Variants in RTTN observed in about 807,000 individuals in gnomAD.
The protein encoded by RTTN is rotatin.
In RTTN, 182 loss-of-function variants were observed where a neutral mutation model predicts 269.2. That is an observed-to-expected ratio of 0.68 (90% CI 0.60 to 0.76). The LOEUF (loss-of-function observed/expected upper bound fraction) is 0.76, where lower values mean the gene tolerates loss of function less well. Among genes scored for constraint, RTTN ranks in the 30% least tolerant of loss-of-function variants. RTTN has a pLI of 0.00. For missense variants in RTTN, 2,545 were observed against 2,608.6 expected, an observed-to-expected ratio of 0.98 and a Z score of 0.53; for synonymous variants, 1,006 against 963.5, an observed-to-expected ratio of 1.04 and a Z score of -0.82.
At chr18:70,156,395 C>T (rs1011208105) in intron 14 of RTTN, among the ~76,000 whole-genome samples, 22 of 152,078 alleles carry the variant, frequency 1.4e-4, no homozygotes, top group Admixed American at 6.5e-4. Flanking sequence ...TTGGTCAGAC[C>T]GGTTGCTCTC....
chr18:70,111,291 G>A (rs1002003138), intron 27 of RTTN, among the ~76,000 whole-genome samples: 5 of 152,168 alleles, frequency 3.3e-5, no homozygotes, highest in South Asian at 2.1e-4. Context: ...GGGGCCAACC[G>A]ACACTTGATA....
intron 37 of RTTN, among the ~76,000 whole-genome samples, chr18:70,056,653 C>T (rs1004286702): frequency 6.6e-6 from 1 of 152,156 alleles, no homozygotes; most frequent in African/African-American, 2.4e-5. Flanking sequence ...CGACTCCACC[C>T]TCCTTGCTGT....
At chr18:70,143,479 G>C (rs527711105) in intron 18 of RTTN, among the ~76,000 whole-genome samples, 1 of 152,246 alleles carries the variant, frequency 6.6e-6, no homozygotes, top group African/African-American at 2.4e-5. Context: ...ATTATCCTTA[G>C]CAAAATAACA....
chr18:70,143,335 G>A (rs1197664363), intron 18 of RTTN, among the ~76,000 whole-genome samples: 2 of 152,018 alleles, frequency 1.3e-5, no homozygotes, highest in Non-Finnish European at 2.9e-5. Context: ...GCAAACACAT[G>A]GAATCAACCT....
chr18:70,091,239 T>G lies in RTTN; in HGVS notation c.4143+871A>C, dbSNP rs75633930. ...AAGCATTTTGCATGGAAGAAGAACA[T>G]GAAGTTCAGGGGCTCAGGGATGGAA... On this transcript the variant is annotated intron_variant, in intron 30 of 48. Transcript: ENST00000640769. Among the ~76,000 whole-genome samples the G allele has an allele frequency of 2.8e-3, 428 of 152,218 alleles. 5 individuals carry two copies. The highest frequency in any genetic ancestry group is 2.5e-3 in the Non-Finnish European group (170 of 68,004).
chr18:70,044,971 A>G (rs1023482150), intron 40 of RTTN, among the ~76,000 whole-genome samples: 4 of 152,232 alleles, frequency 2.6e-5, no homozygotes, highest in African/African-American at 9.6e-5. Context: ...AGATAAGAGG[A>G]GACTACTGTA....
At chr18:70,127,456 A>G (rs761309106) in intron 25 of RTTN, 46 bp downstream of exon 25, 7 of 1,599,776 alleles carry the variant, frequency 4.4e-6, no homozygotes, top group African/African-American at 4.0e-5. Flanking sequence ...ACACAATACA[A>G]TGCAATCCAG....
intron 35 of RTTN, chr18:70,061,469 T>G: frequency 2.2e-6 from 1 of 455,546 alleles, no homozygotes; most frequent in South Asian, 1.6e-5. Context: ...ATTTAGAGTG[T>G]CATTGTTTCT....
chr18:70,069,296 A>T (rs2058232937), intron 34 of RTTN, among the ~76,000 whole-genome samples: 1 of 152,194 alleles, frequency 6.6e-6, no homozygotes, highest in Admixed American at 6.5e-5. Flanking sequence ...ATGTCAAGTA[A>T]TCTCACTGTA....
intron 12 of RTTN, among the ~76,000 whole-genome samples, chr18:70,167,914 A>T (rs1193617427): frequency 1.3e-5 from 2 of 152,118 alleles, no homozygotes; most frequent in African/African-American, 4.8e-5. Context: ...TGGGAGGCCA[A>T]GGTGGGAGGA....
intron 28 of RTTN, among the ~76,000 whole-genome samples, chr18:70,102,269 G>A (rs555092913): frequency 9.9e-5 from 15 of 152,158 alleles, no homozygotes; most frequent in African/African-American, 2.4e-5. Context: ...CCTGTACTGG[G>A]TGCATATATA....
intron 46 of RTTN, among the ~76,000 whole-genome samples, chr18:70,010,019 T>A (rs1446582601): frequency 6.6e-6 from 1 of 152,168 alleles, no homozygotes; most frequent in East Asian, 1.9e-4. Context: ...AAGGGATCAA[T>A]GCAACAAATA....
At chr18:70,112,812 C>T (rs1267275848) in intron 27 of RTTN, among the ~76,000 whole-genome samples, 4 of 152,080 alleles carry the variant, frequency 2.6e-5, no homozygotes, top group African/African-American at 4.8e-5. Context: ...CTTGACCAAG[C>T]GGACCTAATA....
At chr18:70,025,238 C>T (rs55973663) in intron 43 of RTTN, among the ~76,000 whole-genome samples, 1,839 of 152,208 alleles carry the variant, frequency 0.012, 24 homozygotes, top group Non-Finnish European at 0.019. Flanking sequence ...TCTTTGCCCA[C>T]CCTCTCTCCC....
chr18:70,080,515 T>G (rs1421163875), intron 32 of RTTN, among the ~76,000 whole-genome samples: 1 of 152,168 alleles, frequency 6.6e-6, no homozygotes, highest in African/African-American at 2.4e-5. Context: ...TTATAGCCCA[T>G]TAAACAAACT....
intron 23 of RTTN, chr18:70,130,507 G>T (rs868851515): frequency 6.6e-6 from 1 of 151,232 alleles, no homozygotes; most frequent in African/African-American, 2.4e-5. Context: ...AAGTCATTAC[G>T]TTAACTGAAA....
chr18:70,028,790 A>T lies in RTTN; in HGVS notation c.5757T>A (p.Val1919=), dbSNP rs756263793. ...GCATGGCAATGCTTAACTCTTTAAT[A>T]ACACCATCCTCCTATTTAAACAAAA... ...KAALKKKEDG[V]IKELSIAMQL... is the part of the protein sequence containing the mutation. The change falls in exon 43 of 49, where the codon GTT becomes GTA. Residue 1919 remains valine (V), a synonymous_variant. Transcript: ENST00000640769. 6.2e-7 allele frequency: 1 copy of T among 1,610,228 alleles called. No individual in the cohort carries two copies. The highest frequency in any genetic ancestry group is 2.2e-5 in the East Asian group (1 of 44,848).
At chr18:70,030,799 G>A (rs958049504) in intron 41 of RTTN, 77 bp downstream of exon 41, 1 of 1,120,664 alleles carries the variant, frequency 8.9e-7, no homozygotes, top group Non-Finnish European at 1.3e-6. Context: ...TGAGTCCAAA[G>A]AAAATTAACT....
At chr18:70,079,956 T>C (rs1357300911) in intron 32 of RTTN, among the ~76,000 whole-genome samples, 5 of 152,046 alleles carry the variant, frequency 3.3e-5, no homozygotes, top group African/African-American at 7.2e-5. Flanking sequence ...AAATGAATTA[T>C]TGTCATATAT....
Sources: gnomAD v4.1 joint callset for allele counts (sites outside exome capture counted in the v4.1 genomes callset) on GRCh38, gnomAD v4.1.1 for gene constraint, MANE v1.5 for transcripts, NCBI Gene and HGNC (gene_info 2026-07-23, HGNC 2026-07-21) for gene names.